RUNX3: variants seen among roughly 807,000 people sequenced by gnomAD.
RUNX3 encodes RUNX family transcription factor 3, also known as runt-related transcription factor 3.
Under a neutral mutation model 27.7 loss-of-function variants are expected in RUNX3, and 10 were observed. The observed-to-expected ratio is 0.36, with a 90% CI of 0.22 to 0.61. The LOEUF is 0.61. RUNX3 is among the 20% of genes least tolerant of loss of function. The pLI is 0.72. For missense variants in RUNX3, 469 were observed against 629.5 expected, an observed-to-expected ratio of 0.75 and a Z score of 2.73; for synonymous variants, 270 against 269.2, an observed-to-expected ratio of 1.00 and a Z score of -0.03.
chr1:24,937,831 GT>G (rs1430279801), intron 2 of RUNX3, among the ~76,000 whole-genome samples: 6 of 152,316 alleles, frequency 3.9e-5, no homozygotes, highest in African/African-American at 1.4e-4. Context: ...TTTTATAGTT[GT>G]TTGTGCCACT....
At chr1:24,925,230 G>C (rs1641076053) in intron 2 of RUNX3, among the ~76,000 whole-genome samples, 1 of 152,118 alleles carries the variant, frequency 6.6e-6, no homozygotes, top group Non-Finnish European at 1.5e-5. Flanking sequence ...ATGTGTGTCT[G>C]CATGCCAGCG....
chr1:24,925,388 T>G (rs1641079348), intron 2 of RUNX3, among the ~76,000 whole-genome samples: 1 of 143,148 alleles, frequency 7.0e-6, no homozygotes, highest in South Asian at 2.3e-4. Flanking sequence ...CTCAAAGTCC[T>G]CCTCCAGTCC....
rs1460400245 is a variant in RUNX3 at position 24,901,504 on chromosome 1, G to C, written c.*618C>G. ...TAGGAACGGAGGGGAAGCTGGGCTG[G>C]GGGGACTGGCTTGGATGTGTTCTCA... On this transcript the variant is annotated 3_prime_UTR_variant, in exon 5 of 5. Transcript: ENST00000308873. 6.5e-6 allele frequency: 1 copy of C among 153,020 alleles called. No homozygotes were observed. 9.5% of individuals were successfully genotyped at this position (153,020 alleles called of 1,614,324 possible).
At chr1:24,949,455 C>T (rs1161357464) in intron 2 of RUNX3, among the ~76,000 whole-genome samples, 1 of 152,170 alleles carries the variant, frequency 6.6e-6, no homozygotes, top group South Asian at 2.1e-4. Flanking sequence ...TGCCCAGCAC[C>T]CACACCAAGG....
Position 24,901,896 on chromosome 1 carries a change from C to G in RUNX3, c.*226G>C, listed in dbSNP as rs919219560. 27 of 520,212 alleles carry G rather than the reference C, an allele frequency of 5.2e-5. No individual in the cohort carries two copies. The highest frequency in any genetic ancestry group is 4.9e-4 in the Middle Eastern group (1 of 2,022). The allele number at this position is 520,212 out of a possible 1,614,324, so 32.2% of individuals were successfully genotyped here. On this transcript the variant is annotated 3_prime_UTR_variant, in exon 5 of 5. Coordinates refer to ENST00000308873, the MANE Select transcript of RUNX3 (RefSeq NM_004350.3). ...GGGATGAGACGGCCAGGATCTGGGC[C>G]GGGGGCAGTATCCCGGGCCGGGGTG...
intron 2 of RUNX3, among the ~76,000 whole-genome samples, chr1:24,959,992 T>C (rs960038133): frequency 2.6e-5 from 4 of 152,320 alleles, no homozygotes; most frequent in Admixed American, 2.0e-4. Flanking sequence ...CTGTCTTTGT[T>C]ACCTCTTTAC....
chr1:24,905,733 C>T (rs560172945), intron 4 of RUNX3, among the ~76,000 whole-genome samples: 75 of 152,348 alleles, frequency 4.9e-4, no homozygotes, highest in African/African-American at 1.5e-3. Flanking sequence ...CTGGCTCCCC[C>T]GCTGAGCCCC....
rs1017446035 is a variant in RUNX3, at chr1:24,927,286, T to C, written c.439+288A>G. On this transcript the variant is annotated intron_variant, in intron 2 of 4. Coordinates refer to ENST00000308873, the MANE Select transcript of RUNX3 (RefSeq NM_004350.3). The surrounding 1 kb of genome is among the most constrained non-coding windows in gnomAD (Gnocchi z 5.0). The stretch of plus-strand genomic sequence containing the variant: ...CACCATCTCCTGCCAGCATTTTTTG[T>C]GAGACCAGGTGTGCTTAACCGGGAA... 3.3e-5 allele frequency among the ~76,000 whole-genome samples: 5 copies of C among 152,176 alleles called. No individual in the cohort carries two copies. Among genetic ancestry groups the C allele is most frequent in the African/African-American group, 9.7e-5 (4 of 41,432 alleles).
rs1434736500 is a variant in RUNX3 at position 24,943,891 on chromosome 1, TCTTC to T, written c.59-14043_59-14040del. On this transcript the variant is annotated intron_variant, in intron 2 of 6. Coordinates refer to the RUNX3 transcript ENST00000338888. The surrounding 1 kb of genome is among the most constrained non-coding windows in gnomAD (Gnocchi z 4.6). ...GAATCCCTCGTTTGCAGGGAAAGCC[TCTTC>T]CTTCTCATCTTGCAGTACTCTAAGA... Among the ~76,000 whole-genome samples the T allele has an allele frequency of 6.6e-6, 1 of 152,236 alleles. No individual in the cohort carries two copies. Among genetic ancestry groups the T allele is most frequent in the Non-Finnish European group, 1.5e-5 (1 of 68,044 alleles).
chr1:24,940,382 C>T (rs996953596), intron 2 of RUNX3, among the ~76,000 whole-genome samples: 2 of 152,194 alleles, frequency 1.3e-5, no homozygotes, highest in African/African-American at 4.8e-5. Context: ...TCAGAGCATA[C>T]CAGCTCTGGG....
chr1:24,961,059 T>G (rs530511255), intron 2 of RUNX3, among the ~76,000 whole-genome samples: 15 of 151,290 alleles, frequency 9.9e-5, no homozygotes, highest in Non-Finnish European at 2.1e-4. Context: ...TACTGCAGGA[T>G]GGGAACCAAA....
chr1:24,929,904 G>C lies in RUNX3; in HGVS notation c.-36C>G, dbSNP rs1182894067. ...GTCAGGGCGCCGGGCAGGCGGAGACGGCGCGGCTTCCCCCGGGGGCGGCCG... is the reference window on the plus strand; with the variant it reads ...GTCAGGGCGCCGGGCAGGCGGAGACCGCGCGGCTTCCCCCGGGGGCGGCCG... On this transcript the variant is annotated 5_prime_UTR_variant, in exon 1 of 5. Transcript: ENST00000308873. The C allele has an allele frequency of 6.4e-6, 8 of 1,247,064 alleles. No individual in the cohort carries two copies. Among genetic ancestry groups the C allele is most frequent in the African/African-American group, 1.6e-5 (1 of 63,776 alleles). The allele number at this position is 1,247,064 out of a possible 1,614,324, so 77.2% of individuals were successfully genotyped here. A position where few individuals can be genotyped will look rare whatever the true frequency, so the allele number is the denominator to read the frequency against.
At chr1:24,929,018 G>A (rs745631063) in intron 1 of RUNX3, 5 of 456,832 alleles carry the variant, frequency 1.1e-5, no homozygotes, top group African/African-American at 1.0e-4. Flanking sequence ...CCAGGGTTAG[G>A]GGTCCCCCAA....
At chr1:24,907,665 C>A in intron 3 of RUNX3, among the ~76,000 whole-genome samples, 1 of 151,058 alleles carries the variant, frequency 6.6e-6, no homozygotes, top group African/African-American at 2.5e-5. Flanking sequence ...CTACAACACG[C>A]GGTGATCTAA....
intron 3 of RUNX3, among the ~76,000 whole-genome samples, chr1:24,908,290 T>TGATCCAAACCTCTACGACATGC (rs1557837490): frequency 6.9e-6 from 1 of 145,868 alleles, no homozygotes; most frequent in East Asian, 2.1e-4. Flanking sequence ...CTACGACATG[T>TGATCCAAACCTCTACGACATGC]GGTGATCCAA....
At chr1:24,931,201 T>C (rs1320891713), upstream of RUNX3, among the ~76,000 whole-genome samples, 1 of 152,164 alleles carries the variant, frequency 6.6e-6, no homozygotes, top group Non-Finnish European at 1.5e-5. Context: ...GAGGAGAGAA[T>C]TTTCTTTCTC....
At chr1:24,942,010 G>A (rs1007367796) in intron 2 of RUNX3, among the ~76,000 whole-genome samples, 1 of 152,204 alleles carries the variant, frequency 6.6e-6, no homozygotes, top group Non-Finnish European at 1.5e-5. Context: ...CTGGGGTGGG[G>A]GGCCCTCTCA....
At chr1:24,930,705 G>C (rs1271296298), upstream of RUNX3, among the ~76,000 whole-genome samples, 2 of 152,204 alleles carry the variant, frequency 1.3e-5, no homozygotes, top group African/African-American at 4.8e-5. This position sits in a 1 kb window ranked among gnomAD's most constrained non-coding sequence, Gnocchi z 4.1. Context: ...GGGGCCGCGG[G>C]GTCTCAGGGC....
At chr1:24,929,515 G>T in intron 1 of RUNX3, 72 bp downstream of exon 1, 1 of 1,437,448 alleles carries the variant, frequency 7.0e-7, no homozygotes, top group Non-Finnish European at 9.5e-7. Context: ...TGCTCCCGAG[G>T]CTCTGGCTCC....
Sources: gnomAD v4.1 joint callset for allele counts (sites outside exome capture counted in the v4.1 genomes callset) on GRCh38, gnomAD v4.1.1 for gene constraint, Gnocchi (gnomAD v3.1) non-coding constraint, MANE v1.5 for transcripts, NCBI Gene and HGNC (gene_info 2026-07-23, HGNC 2026-07-21) for gene names.